The following PLCXD3 variants were observed in gnomAD, a reference collection of about 807,000 sequenced individuals.
PLCXD3 encodes the protein PI-PLC X domain-containing protein 3.
Under a neutral mutation model 25.5 loss-of-function variants are expected in PLCXD3, and 19 were observed. The ratio of observed to expected loss-of-function variants is 0.75; its 90% CI spans 0.52 to 1.09. PLCXD3 has a LOEUF of 1.09. PLCXD3 is among the 50% of genes least tolerant of loss of function. The pLI, the probability that PLCXD3 is intolerant of heterozygous loss-of-function variation, is 0.00. For synonymous variants in PLCXD3, 174 were observed against 137.6 expected (o/e 1.26, Z -1.85); for missense variants, 411 against 388.1 (o/e 1.06, Z -0.50).
At chr5:41,376,637 T>C (rs1745303890) in intron 2 of PLCXD3, among the ~76,000 whole-genome samples, 1 of 152,138 alleles carries the variant, frequency 6.6e-6, no homozygotes, top group South Asian at 2.1e-4. Context: ...CATCTCTGCC[T>C]ATCCCAGTGC....
chr5:41,430,811 T>C (rs918686835), intron 1 of PLCXD3, among the ~76,000 whole-genome samples: 6 of 152,190 alleles, frequency 3.9e-5, no homozygotes, highest in Non-Finnish European at 8.8e-5. Context: ...TATTATTCTT[T>C]AAAAGTTATT....
chr5:41,313,799 C>A, intron 2 of PLCXD3, 29 bp from the exon 3 acceptor site: 3 of 1,549,674 alleles, frequency 1.9e-6, no homozygotes, highest in Admixed American at 2.0e-5. Context: ...AGAAAAGTCA[C>A]AGAAGGCAAG....
At chr5:41,331,091 G>GC (rs1444234340) in intron 2 of PLCXD3, among the ~76,000 whole-genome samples, 1 of 152,116 alleles carries the variant, frequency 6.6e-6, no homozygotes, top group Non-Finnish European at 1.5e-5. Flanking sequence ...GGAAGTTCTG[G>GC]CCAGGGCAAT....
intron 1 of PLCXD3, among the ~76,000 whole-genome samples, chr5:41,502,761 A>G (rs1580406248): frequency 6.6e-6 from 1 of 152,150 alleles, no homozygotes; most frequent in Non-Finnish European, 1.5e-5. Context: ...GTTGAGTTTA[A>G]CTGAATTGGG....
rs185056424 is a variant in PLCXD3 at position 41,389,382 on chromosome 5, C to T, written c.104-6848G>A. Among the ~76,000 whole-genome samples, 514 of 152,196 alleles carry T rather than the reference C, an allele frequency of 3.4e-3. 2 individuals carry two copies. The highest frequency in any genetic ancestry group is 9.7e-3 in the African/African-American group (404 of 41,526). On this transcript the variant is annotated intron_variant, in intron 1 of 2. Coordinates refer to ENST00000377801, the MANE Select transcript of PLCXD3 (RefSeq NM_001005473.3). ...AGTGTGAGAGTAATTAAGCAGAATACCTCCTTCCTCCAGATACCAACACAG... is the reference window on the plus strand; with the variant it reads ...AGTGTGAGAGTAATTAAGCAGAATATCTCCTTCCTCCAGATACCAACACAG...
intron 2 of PLCXD3, 35 bp downstream of exon 2, chr5:41,381,791 T>C: frequency 6.8e-7 from 1 of 1,465,926 alleles, no homozygotes. Context: ...GTTAAATTAT[T>C]TGAGGTTTCC....
intron 1 of PLCXD3, among the ~76,000 whole-genome samples, chr5:41,417,201 C>T (rs752033345): frequency 9.2e-5 from 14 of 152,174 alleles, no homozygotes; most frequent in Middle Eastern, 3.2e-3. Flanking sequence ...CCATTGAGGG[C>T]TGCCTAAGGG....
chr5:41,453,361 T>A (rs1423267121), intron 1 of PLCXD3, among the ~76,000 whole-genome samples: 1 of 151,948 alleles, frequency 6.6e-6, no homozygotes, highest in Non-Finnish European at 1.5e-5. Context: ...CTGTCTTTTT[T>A]TTTTTTTAAT....
intron 1 of PLCXD3, among the ~76,000 whole-genome samples, chr5:41,440,121 AG>A (rs1747345471): frequency 6.7e-6 from 1 of 150,110 alleles, no homozygotes; most frequent in African/African-American, 2.5e-5. Flanking sequence ...TAGATTCAGG[AG>A]CCAGACCACA....
chr5:41,404,041 A>C (rs545199569), intron 1 of PLCXD3, among the ~76,000 whole-genome samples: 2 of 152,312 alleles, frequency 1.3e-5, no homozygotes, highest in African/African-American at 4.8e-5. Flanking sequence ...AAAATGCATT[A>C]ACTTCCAAGT....
intron 1 of PLCXD3, among the ~76,000 whole-genome samples, chr5:41,422,136 G>A (rs1746843308): frequency 6.6e-6 from 1 of 152,058 alleles, no homozygotes. Context: ...TTATTGTAAA[G>A]GGCTATTGGA....
chr5:41,480,291 G>A (rs950531739), intron 1 of PLCXD3, among the ~76,000 whole-genome samples: 1 of 152,046 alleles, frequency 6.6e-6, no homozygotes, highest in Non-Finnish European at 1.5e-5. Context: ...CCATTGAGAG[G>A]CTCTCTGAGC....
chr5:41,416,063 T>A (rs1746685119), intron 1 of PLCXD3, among the ~76,000 whole-genome samples: 1 of 152,110 alleles, frequency 6.6e-6, no homozygotes, highest in African/African-American at 2.4e-5. Context: ...AACTCAGCCA[T>A]CCCCAAACAA....
At chr5:41,409,132 A>C (rs898151290) in intron 1 of PLCXD3, among the ~76,000 whole-genome samples, 1 of 152,190 alleles carries the variant, frequency 6.6e-6, no homozygotes, top group Non-Finnish European at 1.5e-5. Flanking sequence ...GACCTAAGGG[A>C]AAGATATGCT....
At chr5:41,435,825 G>T (rs1580372233) in intron 1 of PLCXD3, among the ~76,000 whole-genome samples, 1 of 152,338 alleles carries the variant, frequency 6.6e-6, no homozygotes, top group South Asian at 2.1e-4. Flanking sequence ...GTTTAGCAAA[G>T]AATGGAGTTT....
chr5:41,318,756 A>T (rs1007183635), intron 2 of PLCXD3, among the ~76,000 whole-genome samples: 4 of 152,148 alleles, frequency 2.6e-5, no homozygotes, highest in Non-Finnish European at 4.4e-5. Flanking sequence ...ATCAATAACA[A>T]CATTGAATGT....
intron 1 of PLCXD3, among the ~76,000 whole-genome samples, chr5:41,428,487 A>G (rs1440678751): frequency 4.0e-5 from 6 of 151,718 alleles, no homozygotes; most frequent in Non-Finnish European, 7.4e-5. Context: ...GTACACAGAG[A>G]AAAGATCACG....
intron 2 of PLCXD3, among the ~76,000 whole-genome samples, chr5:41,336,397 G>A (rs1262621022): frequency 1.3e-5 from 2 of 152,146 alleles, no homozygotes; most frequent in East Asian, 3.9e-4. Flanking sequence ...AGAACTCAAT[G>A]CAGGTTAATT....
intron 1 of PLCXD3, among the ~76,000 whole-genome samples, chr5:41,416,283 T>C (rs1325293279): frequency 6.6e-6 from 1 of 152,218 alleles, no homozygotes; most frequent in Non-Finnish European, 1.5e-5. Flanking sequence ...CTAGGACATT[T>C]AGCTTTGGCT....
Sources: allele counts gnomAD v4.1 joint callset (sites outside exome capture counted in the v4.1 genomes callset), GRCh38; gene constraint gnomAD v4.1.1; transcripts MANE v1.5; gene names NCBI Gene and HGNC (gene_info 2026-07-23, HGNC 2026-07-21).